The following WDR7 variants were observed in gnomAD, a reference collection of about 807,000 sequenced individuals.
The protein encoded by WDR7 is WD repeat-containing protein 7.
A neutral mutation model predicts 169.4 loss-of-function variants in WDR7; 46 were observed. The ratio of observed to expected loss-of-function variants is 0.27; its 90% CI spans 0.21 to 0.35. The LOEUF (loss-of-function observed/expected upper bound fraction) is 0.35. Among genes scored for constraint, WDR7 ranks in the 10% least tolerant of loss-of-function variants. The pLI, the probability that WDR7 is intolerant of heterozygous loss-of-function variation, is 1.00. For synonymous variants in WDR7, 612 were observed against 666.8 expected, an observed-to-expected ratio of 0.92 and a Z score of 1.27; for missense variants, 1,534 against 1,859.3, an observed-to-expected ratio of 0.83 and a Z score of 3.22.
intron 21 of WDR7, among the ~76,000 whole-genome samples, chr18:56,889,858 C>A (rs1335066451): frequency 2.6e-5 from 4 of 152,114 alleles, no homozygotes; most frequent in Non-Finnish European, 5.9e-5. Flanking sequence ...ATAAAAAATT[C>A]ACATATCTGG....
At chr18:56,681,188 A>G (rs1035445811) in intron 3 of WDR7, 125 bp from the exon 4 acceptor site, 15 of 736,622 alleles carry the variant, frequency 2.0e-5, no homozygotes, top group Middle Eastern at 3.4e-4. Flanking sequence ...CAACAGTAAT[A>G]ACTGTATGCT....
chr18:56,668,623 G>C (rs2025070197), intron 1 of WDR7, among the ~76,000 whole-genome samples: 1 of 152,156 alleles, frequency 6.6e-6, no homozygotes, highest in South Asian at 2.1e-4. Context: ...TAATTATTAG[G>C]AGTTTGGAAT....
At chr18:56,948,935 A>G (rs77854752) in intron 25 of WDR7, among the ~76,000 whole-genome samples, 5,916 of 152,110 alleles carry the variant, frequency 0.039, 144 homozygotes, top group Non-Finnish European at 0.055. Context: ...TTTTCTCTCT[A>G]TGGCATCTCT....
chr18:56,847,611 A>G lies in WDR7; in HGVS notation c.3304+31467A>G, dbSNP rs575292115. ...AGAAGTCTTCAAGGCAGCCCCTCCC[A>G]TCAAAGACCTAGCGACCTAGAAGGA... On this transcript the variant is annotated intron_variant, in intron 20 of 27. Transcript: ENST00000254442. Among the ~76,000 whole-genome samples, 18 of 152,294 alleles carry G rather than the reference A, an allele frequency of 1.2e-4. 1 individual carries two copies. The South Asian group carries it at 3.7e-3, about 32-fold the overall frequency.
chr18:56,820,352 A>AC (rs2045070091), intron 20 of WDR7, among the ~76,000 whole-genome samples: 1 of 145,960 alleles, frequency 6.9e-6, no homozygotes, highest in Non-Finnish European at 1.5e-5. Context: ...AAAAAAAAAA[A>AC]AAAAAAAAAA....
intron 21 of WDR7, among the ~76,000 whole-genome samples, chr18:56,922,926 G>C (rs1462486390): frequency 1.3e-5 from 2 of 152,048 alleles, no homozygotes; most frequent in Non-Finnish European, 2.9e-5. Flanking sequence ...ATGTTTAATA[G>C]GTATTCAGAA....
chr18:56,873,752 A>G (rs527929197), intron 20 of WDR7: 102 of 152,338 alleles, frequency 6.7e-4, no homozygotes, highest in African/African-American at 2.4e-3. Flanking sequence ...TGCTCATCCA[A>G]GCAGGGGAAG....
chr18:56,817,621 G>A (rs1186311098), intron 20 of WDR7, among the ~76,000 whole-genome samples: 7 of 152,014 alleles, frequency 4.6e-5, no homozygotes, highest in African/African-American at 1.7e-4. Flanking sequence ...GTTCATTGAT[G>A]AAAAATATTA....
At chr18:56,768,970 T>C (rs1398660427) in intron 16 of WDR7, among the ~76,000 whole-genome samples, 3 of 152,224 alleles carry the variant, frequency 2.0e-5, no homozygotes, top group Non-Finnish European at 1.5e-5. Flanking sequence ...GGGCACTTCA[T>C]TGGAAAATAG....
intron 25 of WDR7, among the ~76,000 whole-genome samples, chr18:56,940,417 A>G (rs1471318175): frequency 1.3e-5 from 2 of 152,160 alleles, no homozygotes; most frequent in Non-Finnish European, 2.9e-5. Flanking sequence ...TTTCTGATTC[A>G]TGCATCCCAA....
chr18:56,881,056 A>G (rs2046100724), intron 21 of WDR7, among the ~76,000 whole-genome samples: 1 of 152,206 alleles, frequency 6.6e-6, no homozygotes, highest in Non-Finnish European at 1.5e-5. Flanking sequence ...AAAAAGATGC[A>G]TGTTACTTTG....
At chr18:56,992,999 C>T (rs1599227625) in intron 26 of WDR7, among the ~76,000 whole-genome samples, 1 of 152,264 alleles carries the variant, frequency 6.6e-6, no homozygotes, top group South Asian at 2.1e-4. Flanking sequence ...CTGTAATAAC[C>T]TAACATTTTC....
intron 26 of WDR7, among the ~76,000 whole-genome samples, chr18:56,972,576 G>A (rs2047504195): frequency 6.6e-6 from 1 of 152,112 alleles, no homozygotes; most frequent in African/African-American, 2.4e-5. Flanking sequence ...ATGGCATCAG[G>A]GGTGATCATA....
intron 20 of WDR7, among the ~76,000 whole-genome samples, chr18:56,817,259 C>T (rs1361647662): frequency 3.3e-5 from 5 of 151,092 alleles, no homozygotes; most frequent in African/African-American, 4.9e-5. Context: ...GCAGGAGAAT[C>T]GCTTGACCTG....
chr18:56,730,660 G>A (rs1398719009), intron 13 of WDR7, among the ~76,000 whole-genome samples: 1 of 152,110 alleles, frequency 6.6e-6, no homozygotes, highest in African/African-American at 2.4e-5. Context: ...CAGCTACTCG[G>A]GAGGCTGAGA....
intron 1 of WDR7, among the ~76,000 whole-genome samples, chr18:56,655,608 G>GAT (rs1445517217): frequency 1.0e-5 from 1 of 96,322 alleles, no homozygotes; most frequent in Non-Finnish European, 2.1e-5. Context: ...GACAGAGTAA[G>GAT]ACCCTGTCTC....
chr18:56,891,484 CTGTTGT>C (rs967354826), intron 21 of WDR7, among the ~76,000 whole-genome samples: 3 of 151,886 alleles, frequency 2.0e-5, no homozygotes, highest in African/African-American at 7.3e-5. Context: ...ATGTTAGTTT[CTGTTGT>C]TGTTGTTGTT....
intron 26 of WDR7, among the ~76,000 whole-genome samples, chr18:56,967,699 A>G (rs1356266683): frequency 6.6e-6 from 1 of 152,294 alleles, no homozygotes; most frequent in South Asian, 2.1e-4. Flanking sequence ...AAGTTTGTAC[A>G]GTCATCCTTG....
At position 56,686,891 on chromosome 18, in the gene WDR7, A is replaced by G. The variant is rs758576420; in HGVS notation, c.634A>G (p.Ile212Val). ...EPIFEEESKP[I>V]YCQNCQSISF... is the part of the protein sequence containing the mutation. ...AATATTTGAGGAGGAATCCAAACCA[A>G]TTTATTGTCAGAATTGCCAAAGCAT... The change falls in exon 7 of 28, where the codon ATT becomes GTT. Residue 212 changes from isoleucine (I) to valine (V), a missense_variant. By Grantham distance (29) the Ile-to-Val change is conservative. Transcript: ENST00000254442. 6.2e-7 allele frequency: 1 copy of G among 1,609,772 alleles called. No individual in the cohort carries two copies.
Sources: gnomAD v4.1 joint callset for allele counts (sites outside exome capture counted in the v4.1 genomes callset) on GRCh38, gnomAD v4.1.1 for gene constraint, MANE v1.5 for transcripts, NCBI Gene and HGNC (gene_info 2026-07-23, HGNC 2026-07-21) for gene names.